The following FAM53A variants were observed in gnomAD, a reference collection of about 807,000 sequenced individuals.
FAM53A encodes protein FAM53A.
A neutral mutation model predicts 26.6 loss-of-function variants in FAM53A; 28 were observed. The observed-to-expected ratio is 1.05, with a 90% CI of 0.78 to 1.45. The LOEUF is 1.45. Among genes scored for constraint, FAM53A ranks in the 40% most tolerant of loss-of-function variants. The probability of loss-of-function intolerance (pLI) is 0.00; values close to 1 mark genes in which losing one functional copy is unlikely to be tolerated. For synonymous variants in FAM53A, 290 were observed against 253.1 expected (o/e 1.15, Z -1.38); for missense variants, 650 against 575.8 (o/e 1.13, Z -1.32).
At chr4:1,586,339 A>G in the FAM53A span, among the ~76,000 whole-genome samples, 4 of 151,996 alleles carry the variant, frequency 2.6e-5, no homozygotes, top group African/African-American at 7.2e-5. Flanking sequence ...GAGTACAGGC[A>G]TGCACCACCA....
intron 1 of FAM53A, among the ~76,000 whole-genome samples, chr4:1,625,054 CCCCA>C (rs1715224641): frequency 7.4e-6 from 1 of 135,848 alleles, no homozygotes; most frequent in African/African-American, 3.1e-5. Context: ...GATCAGAAGG[CCCCA>C]CGTCCCGGCC....
intron 1 of FAM53A, among the ~76,000 whole-genome samples, chr4:1,677,449 C>T (rs930764784): frequency 1.3e-5 from 2 of 152,254 alleles, no homozygotes; most frequent in South Asian, 2.1e-4. Context: ...CCCTCCTCTT[C>T]TCCAAATGCC....
intron 1 of FAM53A, among the ~76,000 whole-genome samples, chr4:1,671,126 C>G (rs1714615318): frequency 6.9e-6 from 1 of 145,432 alleles, no homozygotes; most frequent in Non-Finnish European, 1.5e-5. Context: ...CACCAGCTCA[C>G]AGCCACAGCC....
At chr4:1,600,559 C>A in the FAM53A span, among the ~76,000 whole-genome samples, 1 of 152,242 alleles carries the variant, frequency 6.6e-6, no homozygotes, top group Non-Finnish European at 1.5e-5. Flanking sequence ...CCCACACGGC[C>A]AGGGTGAGCA....
the FAM53A span, among the ~76,000 whole-genome samples, chr4:1,583,582 A>C: frequency 6.6e-6 from 1 of 152,344 alleles, no homozygotes; most frequent in East Asian, 1.9e-4. Flanking sequence ...AAGGCACAGC[A>C]AGTGTGCACA....
intron 4 of FAM53A, among the ~76,000 whole-genome samples, chr4:1,649,131 G>C (rs959948866): frequency 1.4e-5 from 2 of 141,294 alleles, no homozygotes; most frequent in African/African-American, 5.2e-5. Context: ...AGAGGAAGGG[G>C]AAGGGGAAGG....
downstream of FAM53A, among the ~76,000 whole-genome samples, chr4:1,638,870 C>T (rs1577098042): frequency 6.6e-6 from 1 of 152,336 alleles, no homozygotes; most frequent in South Asian, 2.1e-4. Context: ...CTGTTCTAGA[C>T]TCCAGGTAAC....
chr4:1,667,891 G>A (rs1714351652), intron 2 of FAM53A, among the ~76,000 whole-genome samples: 1 of 152,140 alleles, frequency 6.6e-6, no homozygotes, highest in Admixed American at 6.5e-5. Context: ...GGGTCCTGAA[G>A]GTGGCACATC....
chr4:1,589,279 A>T, the FAM53A span, among the ~76,000 whole-genome samples: 1 of 152,236 alleles, frequency 6.6e-6, no homozygotes, highest in Non-Finnish European at 1.5e-5. Context: ...GAGGTAAATC[A>T]TGTCAATAGA....
chr4:1,625,013 C>G (rs1475386758), intron 1 of FAM53A, among the ~76,000 whole-genome samples: 2 of 142,456 alleles, frequency 1.4e-5, no homozygotes, highest in Non-Finnish European at 3.0e-5. Context: ...GGCCCCACGT[C>G]CCAGCCCACG....
chr4:1,672,031 G>A (rs1466869071), intron 1 of FAM53A, among the ~76,000 whole-genome samples: 1 of 151,896 alleles, frequency 6.6e-6, no homozygotes, highest in East Asian at 1.9e-4. Flanking sequence ...AGGCACCCAG[G>A]AACCCATGAA....
chr4:1,678,055 C>T (rs1715160773), intron 1 of FAM53A, among the ~76,000 whole-genome samples: 1 of 152,198 alleles, frequency 6.6e-6, no homozygotes, highest in Admixed American at 6.5e-5. Flanking sequence ...AACTCTAAGA[C>T]TTATTATAAA....
intron 2 of FAM53A, among the ~76,000 whole-genome samples, chr4:1,664,240 A>G (rs772152801): frequency 6.6e-6 from 1 of 152,246 alleles, no homozygotes; most frequent in Non-Finnish European, 1.5e-5. Context: ...GGAGATACAG[A>G]GTGAGATATT....
the FAM53A span, among the ~76,000 whole-genome samples, chr4:1,578,568 A>G: frequency 6.6e-6 from 1 of 151,236 alleles, no homozygotes; most frequent in Non-Finnish European, 1.5e-5. Flanking sequence ...GGGGCAGAAG[A>G]TTTGTCGTGA....
Position 1,652,375 on chromosome 4 carries a change from A to C in FAM53A, c.882+2603T>G, listed in dbSNP as rs1188776548. On this transcript the variant is annotated intron_variant, in intron 4 of 4. Coordinates refer to ENST00000308132, the MANE Select transcript of FAM53A (RefSeq NM_001174070.3). ...CACACGTCACACGCACAACACACAC[A>C]ACACACATCACATGCACACCACACA... Among the ~76,000 whole-genome samples the C allele has an allele frequency of 3.1e-5, 4 of 130,882 alleles. No homozygotes were observed. In the East Asian group the frequency reaches 7.1e-4, roughly 23 times the overall value. The allele number at this position is 130,882 out of a possible 152,430, so 85.9% of individuals were successfully genotyped here. A position where few individuals can be genotyped will look rare whatever the true frequency, so the allele number is the denominator to read the frequency against.
intron 1 of FAM53A, among the ~76,000 whole-genome samples, chr4:1,622,637 C>T (rs7694375): frequency 0.32 from 48,056 of 152,158 alleles, 8,052 homozygotes; most frequent in South Asian, 0.39. Context: ...GGGGGTCTGG[C>T]GGGGGCTGTG....
chr4:1,669,030 C>T, intron 1 of FAM53A, 125 bp from the exon 2 acceptor site: 1 of 354,256 alleles, frequency 2.8e-6, no homozygotes, highest in Non-Finnish European at 5.1e-6. Flanking sequence ...AAACACCCTC[C>T]CATTTTCAAA....
the FAM53A span, among the ~76,000 whole-genome samples, chr4:1,587,805 C>T: frequency 3.3e-5 from 5 of 152,102 alleles, no homozygotes; most frequent in South Asian, 2.1e-4. Flanking sequence ...GTGCCATTGG[C>T]GTACTGTTTT....
intron 4 of FAM53A, among the ~76,000 whole-genome samples, chr4:1,652,794 CCA>C (rs1312995512): frequency 1.3e-5 from 2 of 148,822 alleles, no homozygotes; most frequent in African/African-American, 5.0e-5. Flanking sequence ...ACCAAACACA[CCA>C]CACACGTCAC....
Sources: gnomAD v4.1 joint callset for allele counts (sites outside exome capture counted in the v4.1 genomes callset) on GRCh38, gnomAD v4.1.1 for gene constraint, MANE v1.5 for transcripts, NCBI Gene and HGNC (gene_info 2026-07-23, HGNC 2026-07-21) for gene names.